FAM227B: variants seen among roughly 807,000 people sequenced by gnomAD.
FAM227B encodes the protein family with sequence similarity 227 member B, also known as protein FAM227B.
FAM227B carries 88 observed loss-of-function variants against 73.8 expected under a neutral mutation model. The observed-to-expected ratio is 1.19, with a 90% CI of 1.00 to 1.42. The LOEUF is 1.42. Ranked by LOEUF, FAM227B falls within the 40% of genes most tolerant of loss-of-function variation. FAM227B has a pLI of 0.00. For missense variants in FAM227B, 632 were observed against 590.9 expected (o/e 1.07, Z -0.72); for synonymous variants, 210 against 190.5 (o/e 1.10, Z -0.84).
intron 10 of FAM227B, among the ~76,000 whole-genome samples, chr15:49,509,173 C>A (rs1458651115): frequency 6.6e-6 from 1 of 152,092 alleles, no homozygotes; most frequent in Non-Finnish European, 1.5e-5. Context: ...TGGATAGTGA[C>A]CCAGAGTGTA....
At chr15:49,494,753 A>G (rs1020826071) in intron 11 of FAM227B, among the ~76,000 whole-genome samples, 1 of 152,144 alleles carries the variant, frequency 6.6e-6, no homozygotes, top group African/African-American at 2.4e-5. Flanking sequence ...TTGTTCCCTT[A>G]TGTATCCGAA....
At chr15:49,390,930 T>C (rs1181829088) in intron 11 of FAM227B, among the ~76,000 whole-genome samples, 1 of 151,994 alleles carries the variant, frequency 6.6e-6, no homozygotes. Flanking sequence ...ACCTGGTATC[T>C]CCATTGGAAA....
chr15:49,383,362 T>C (rs1357630601), intron 11 of FAM227B, among the ~76,000 whole-genome samples: 1 of 152,154 alleles, frequency 6.6e-6, no homozygotes, highest in African/African-American at 2.4e-5. Context: ...ACTTCCTGTC[T>C]CTGTGTCAGC....
At chr15:49,430,718 T>C (rs577072633) in intron 11 of FAM227B, among the ~76,000 whole-genome samples, 2 of 151,930 alleles carry the variant, frequency 1.3e-5, no homozygotes, top group Admixed American at 1.3e-4. Flanking sequence ...GAAATCATTT[T>C]TTCTAACAAC....
At chr15:49,493,265 A>G (rs1337321339) in intron 11 of FAM227B, among the ~76,000 whole-genome samples, 1 of 151,978 alleles carries the variant, frequency 6.6e-6, no homozygotes, top group East Asian at 1.9e-4. Flanking sequence ...TGTAGAACCC[A>G]TGTTGTCTCT....
chr15:49,585,405 C>A (rs950211285), intron 5 of FAM227B, among the ~76,000 whole-genome samples: 1 of 152,144 alleles, frequency 6.6e-6, no homozygotes, highest in Non-Finnish European at 1.5e-5. Flanking sequence ...ATGCTTACTG[C>A]GGCACTATTC....
chr15:49,505,848 T>C (rs1182465805), intron 11 of FAM227B, among the ~76,000 whole-genome samples: 3 of 151,902 alleles, frequency 2.0e-5, no homozygotes, highest in African/African-American at 4.8e-5. Flanking sequence ...AGTGAAGAGA[T>C]TGTCATCCTG....
At chr15:49,581,384 G>C (rs1187645795) in intron 5 of FAM227B, among the ~76,000 whole-genome samples, 1 of 151,490 alleles carries the variant, frequency 6.6e-6, no homozygotes, top group African/African-American at 2.4e-5. Context: ...CTGGAGTGCA[G>C]TGGCACAATC....
At chr15:49,505,029 T>C (rs1228156290) in intron 11 of FAM227B, among the ~76,000 whole-genome samples, 4 of 152,152 alleles carry the variant, frequency 2.6e-5, no homozygotes, top group Non-Finnish European at 5.9e-5. Context: ...GATAAACAAA[T>C]CATATTATAT....
At chr15:49,423,794 T>C (rs2049891727) in intron 11 of FAM227B, among the ~76,000 whole-genome samples, 1 of 152,098 alleles carries the variant, frequency 6.6e-6, no homozygotes. Flanking sequence ...AAAATAGCAA[T>C]TGGAATGAAT....
chr15:49,422,774 T>A, intron 11 of FAM227B: 1 of 1,320,808 alleles, frequency 7.6e-7, no homozygotes, highest in Non-Finnish European at 1.0e-6. Context: ...TGTCTCTGTA[T>A]GATGTGATAA....
chr15:49,459,575 G>A (rs1386901904), intron 11 of FAM227B, among the ~76,000 whole-genome samples: 1 of 151,788 alleles, frequency 6.6e-6, no homozygotes, highest in Non-Finnish European at 1.5e-5. Flanking sequence ...AAGTCCTCTT[G>A]TTTTATCTCT....
At chr15:49,548,828 A>G (rs2072350443) in intron 9 of FAM227B, among the ~76,000 whole-genome samples, 1 of 152,190 alleles carries the variant, frequency 6.6e-6, no homozygotes, top group Admixed American at 6.5e-5. Context: ...GTAGCAACTA[A>G]TAATCCTTTG....
At chr15:49,388,185 G>A (rs893444746) in intron 11 of FAM227B, among the ~76,000 whole-genome samples, 3 of 151,546 alleles carry the variant, frequency 2.0e-5, no homozygotes, top group African/African-American at 4.8e-5. Flanking sequence ...GAAATCCTAC[G>A]CAAAAAGAAC....
chr15:49,551,601 T>C (rs1326077721), intron 9 of FAM227B, among the ~76,000 whole-genome samples: 3 of 151,630 alleles, frequency 2.0e-5, no homozygotes, highest in Non-Finnish European at 4.4e-5. Flanking sequence ...AATATTATTA[T>C]TGGTAAGTAA....
At chr15:49,334,134 A>G in intron 14 of FAM227B, 1 of 361,412 alleles carries the variant, frequency 2.8e-6, no homozygotes, top group Non-Finnish European at 3.9e-6. Context: ...TTAACTAGAA[A>G]ACTTTTGCAG....
intron 11 of FAM227B, among the ~76,000 whole-genome samples, chr15:49,501,908 G>C (rs745932421): frequency 3.1e-4 from 47 of 152,194 alleles, no homozygotes; most frequent in Non-Finnish European, 5.6e-4. Flanking sequence ...CATCCCAGCT[G>C]CTTCAGTTCT....
At chr15:49,553,179 C>T (rs1005402932) in intron 9 of FAM227B, among the ~76,000 whole-genome samples, 1 of 152,186 alleles carries the variant, frequency 6.6e-6, no homozygotes, top group Non-Finnish European at 1.5e-5. Context: ...AGGGACACCC[C>T]AAGCCCAGTA....
At chr15:49,373,406 T>G (rs2045966990) in intron 11 of FAM227B, among the ~76,000 whole-genome samples, 1 of 152,136 alleles carries the variant, frequency 6.6e-6, no homozygotes, top group East Asian at 1.9e-4. Context: ...TTAGCTTTTT[T>G]TCCTCTAACC....
Sources: gnomAD v4.1 joint callset for allele counts (sites outside exome capture counted in the v4.1 genomes callset) on GRCh38, gnomAD v4.1.1 for gene constraint, MANE v1.5 for transcripts, NCBI Gene and HGNC (gene_info 2026-07-23, HGNC 2026-07-21) for gene names.